The following RFX3 variants were observed in gnomAD, a reference collection of about 807,000 sequenced individuals.
The protein encoded by RFX3 is transcription factor RFX3.
Under a neutral mutation model 98.6 loss-of-function variants are expected in RFX3, and 14 were observed. The ratio of observed to expected loss-of-function variants is 0.14; its 90% confidence interval spans 0.09 to 0.22. The LOEUF (loss-of-function observed/expected upper bound fraction) is 0.22, where lower values mean the gene tolerates loss of function less well. Ranked by LOEUF, RFX3 falls within the 10% of genes least tolerant of loss-of-function variation. The probability of loss-of-function intolerance (pLI) is 1.00; values close to 1 mark genes in which losing one functional copy is unlikely to be tolerated. For synonymous variants in RFX3, 383 were observed against 328.4 expected (o/e 1.17, Z -1.80); for missense variants, 639 against 926.9 (o/e 0.69, Z 4.03).
At chr9:3,240,527 A>G (rs1050705991) in intron 15 of RFX3, among the ~76,000 whole-genome samples, 7 of 152,320 alleles carry the variant, frequency 4.6e-5, no homozygotes, top group East Asian at 3.9e-4. Flanking sequence ...GTGTAGAAAC[A>G]TGTTCCCTTT....
At chr9:3,248,543 G>C (rs636548) in intron 14 of RFX3, among the ~76,000 whole-genome samples, 81 of 152,164 alleles carry the variant, frequency 5.3e-4, no homozygotes, top group African/African-American at 1.9e-3. Flanking sequence ...AAAACAACTT[G>C]AGTGAAAATC....
At chr9:3,464,772 C>T (rs1365733400) in intron 1 of RFX3, among the ~76,000 whole-genome samples, 1 of 152,076 alleles carries the variant, frequency 6.6e-6, no homozygotes, top group South Asian at 2.1e-4. Context: ...TAAATTATAT[C>T]CCAATAAAGC....
intron 1 of RFX3, among the ~76,000 whole-genome samples, chr9:3,416,361 G>A (rs1842980550): frequency 1.3e-5 from 2 of 152,088 alleles, no homozygotes; most frequent in Non-Finnish European, 2.9e-5. Context: ...TCAAATCCAG[G>A]TGTAACTGAC....
At chr9:3,283,883 C>T (rs776751703) in intron 7 of RFX3, among the ~76,000 whole-genome samples, 4 of 151,598 alleles carry the variant, frequency 2.6e-5, no homozygotes, top group Non-Finnish European at 5.9e-5. Flanking sequence ...GGTTATCTTA[C>T]CTCTTTGAGG....
At chr9:3,350,022 T>TA (rs1369433302) in intron 2 of RFX3, among the ~76,000 whole-genome samples, 2 of 151,970 alleles carry the variant, frequency 1.3e-5, no homozygotes, top group South Asian at 2.1e-4. Flanking sequence ...ATAATCCTAT[T>TA]AAAAAAATGT....
intron 1 of RFX3, among the ~76,000 whole-genome samples, chr9:3,431,604 T>A (rs1844662437): frequency 6.6e-6 from 1 of 152,208 alleles, no homozygotes; most frequent in South Asian, 2.1e-4. Flanking sequence ...AAGAAAAGCA[T>A]ACCTATAGAT....
chr9:3,281,862 C>G (rs1419687194), intron 7 of RFX3, among the ~76,000 whole-genome samples: 1 of 151,680 alleles, frequency 6.6e-6, no homozygotes, highest in Non-Finnish European at 1.5e-5. Context: ...CAATGGAAGG[C>G]AAAGAATGGT....
chr9:3,272,244 C>G (rs1824589025), intron 9 of RFX3, among the ~76,000 whole-genome samples: 1 of 152,122 alleles, frequency 6.6e-6, no homozygotes, highest in Non-Finnish European at 1.5e-5. Context: ...TTGATGTCAT[C>G]ACCTTTGAGG....
At chr9:3,492,083 T>C (rs1355951855) in intron 1 of RFX3, among the ~76,000 whole-genome samples, 2 of 152,164 alleles carry the variant, frequency 1.3e-5, no homozygotes, top group African/African-American at 4.8e-5. Flanking sequence ...CTTCAAAATT[T>C]ATTGAATCAG....
chr9:3,238,155 C>T (rs866220), intron 15 of RFX3, among the ~76,000 whole-genome samples: 120,002 of 152,052 alleles, frequency 0.79, 49,349 homozygotes, highest in East Asian at 0.97. Context: ...CAAATACTAT[C>T]GATAAAACAG....
chr9:3,472,426 C>T (rs1848856699), intron 1 of RFX3, among the ~76,000 whole-genome samples: 1 of 152,140 alleles, frequency 6.6e-6, no homozygotes, highest in Admixed American at 6.5e-5. Flanking sequence ...TGATGTAATA[C>T]ATATATGTCA....
intron 1 of RFX3, among the ~76,000 whole-genome samples, chr9:3,497,519 G>T (rs1278892309): frequency 3.3e-5 from 5 of 151,898 alleles, no homozygotes; most frequent in African/African-American, 9.7e-5. Context: ...GCAGGAAAAA[G>T]ATTTTTTGGT....
chr9:3,458,861 A>C (rs1465938988), intron 1 of RFX3, among the ~76,000 whole-genome samples: 4 of 152,228 alleles, frequency 2.6e-5, no homozygotes, highest in Admixed American at 2.6e-4. Flanking sequence ...AGTGAAGACA[A>C]GAGCTGACAG....
intron 4 of RFX3, among the ~76,000 whole-genome samples, chr9:3,313,004 T>A (rs950377497): frequency 6.6e-6 from 1 of 152,134 alleles, no homozygotes; most frequent in Non-Finnish European, 1.5e-5. Context: ...TCTGACAGCT[T>A]TGAAGAGAGT....
At chr9:3,509,499 A>G (rs1163114346) in intron 1 of RFX3, among the ~76,000 whole-genome samples, 1 of 151,992 alleles carries the variant, frequency 6.6e-6, no homozygotes, top group Non-Finnish European at 1.5e-5. Context: ...AAATACAAAT[A>G]ATAGGAATTA....
At chr9:3,361,661 G>GAAA (rs71324242) in intron 2 of RFX3, among the ~76,000 whole-genome samples, 1 of 87,798 alleles carries the variant, frequency 1.1e-5, no homozygotes, top group African/African-American at 3.7e-5. Context: ...GTTTCTTTAG[G>GAAA]AAAAAAAAAA....
At chr9:3,454,465 A>T (rs1846968753) in intron 1 of RFX3, among the ~76,000 whole-genome samples, 1 of 152,188 alleles carries the variant, frequency 6.6e-6, no homozygotes, top group Non-Finnish European at 1.5e-5. Context: ...ATCATATATA[A>T]GAGAAAGAGC....
At chr9:3,458,053 G>A (rs1329218015) in intron 1 of RFX3, among the ~76,000 whole-genome samples, 2 of 152,138 alleles carry the variant, frequency 1.3e-5, no homozygotes, top group Non-Finnish European at 2.9e-5. Context: ...TAGAAGACTG[G>A]AAGTATCCTA....
chr9:3,271,237 A>G, intron 9 of RFX3, 119 bp from the exon 10 acceptor site: 1 of 713,834 alleles, frequency 1.4e-6, no homozygotes, highest in African/African-American at 1.8e-5. Context: ...ATAAGTTAAC[A>G]TGGTGAAACT....
Sources: allele counts gnomAD v4.1 joint callset (sites outside exome capture counted in the v4.1 genomes callset), GRCh38; gene constraint gnomAD v4.1.1; transcripts MANE v1.5; gene names NCBI Gene and HGNC (gene_info 2026-07-23, HGNC 2026-07-21).